MYH10: variants seen among roughly 807,000 people sequenced by gnomAD.
The protein encoded by MYH10 is myosin heavy chain 10.
MYH10 carries 55 observed loss-of-function variants against 257.8 expected under a neutral mutation model. That is an observed-to-expected ratio of 0.21 (90% CI 0.17 to 0.27). The LOEUF (loss-of-function observed/expected upper bound fraction) is 0.27. MYH10 is among the 10% of genes least tolerant of loss of function. MYH10 has a pLI of 1.00. For missense variants in MYH10, 1,631 were observed against 2,500.6 expected, an observed-to-expected ratio of 0.65 and a Z score of 7.42; for synonymous variants, 854 against 921.7, an observed-to-expected ratio of 0.93 and a Z score of 1.33.
intron 7 of MYH10, among the ~76,000 whole-genome samples, chr17:8,559,491 T>C (rs1341843286): frequency 6.6e-6 from 1 of 152,182 alleles, no homozygotes; most frequent in African/African-American, 2.4e-5. Flanking sequence ...CTTATTATTT[T>C]ATTCTTTTTT....
chr17:8,533,506 T>G (rs552870564), intron 16 of MYH10, among the ~76,000 whole-genome samples: 4 of 152,332 alleles, frequency 2.6e-5, no homozygotes, highest in Non-Finnish European at 4.4e-5. Flanking sequence ...AGTCAGTTCA[T>G]GCAAACCTTC....
Position 8,492,842 on chromosome 17 carries a change from C to T in MYH10, c.4392G>A (p.Thr1464=), listed in dbSNP as rs149895194. The part of the protein sequence containing the change: ...NRLQQELDDL[T]VDLDHQRQVA... Reference sequence around the variant, plus strand: ...CCTGGCGCTGGTGGTCCAGGTCCACCGTGAGGTCGTCCAGCTCCTGCTGCA... The same window carrying T: ...CCTGGCGCTGGTGGTCCAGGTCCACTGTGAGGTCGTCCAGCTCCTGCTGCA... The change falls in exon 33 of 43, where the codon ACG becomes ACA. Residue 1464 remains threonine, a synonymous_variant. Transcript: ENST00000360416. The T allele has an allele frequency of 3.3e-4, 525 of 1,614,074 alleles. 2 individuals are homozygous for T. In the African/African-American group the frequency reaches 5.5e-3, roughly 17 times the overall value.
Position 8,537,743 on chromosome 17 carries a change from A to G in MYH10, c.1606-1812T>C, listed in dbSNP as rs1193680610. 3.3e-5 allele frequency among the ~76,000 whole-genome samples: 5 copies of G among 152,280 alleles called. No individual in the cohort carries two copies. In the East Asian group the frequency reaches 7.7e-4, roughly 23 times the overall value. On this transcript the variant is annotated intron_variant, in intron 14 of 42. Coordinates refer to ENST00000360416, the MANE Select transcript of MYH10 (RefSeq NM_001256012.3). Reference sequence around the variant, plus strand: ...CACAGTATCTCAAATAAAAATTTGTATTTTTTTCTAAATGACTTGGTGACA... The same window carrying G: ...CACAGTATCTCAAATAAAAATTTGTGTTTTTTTCTAAATGACTTGGTGACA...
chr17:8,498,294 T>C (rs1010254805), intron 30 of MYH10, among the ~76,000 whole-genome samples: 3 of 151,990 alleles, frequency 2.0e-5, no homozygotes, highest in Non-Finnish European at 4.4e-5. Context: ...CCCCATACTA[T>C]ACCATTTTTA....
Position 8,530,625 on chromosome 17 carries a change from G to C in MYH10, c.1955C>G (p.Pro652Arg), listed in dbSNP as rs1391547031. ...ACCTACAGGCTTTATACATTCACCT[G>C]GTGGCTCATGAAGACCAGAAACACT... ...YDSVSGLHEP[P>R]VDRIVGLDQV... The change falls in exon 17 of 43, where the codon CCA becomes CGA. Residue 652 changes from proline (P) to arginine (R), a missense_variant and splice_region_variant. Around this residue, in one of 11 missense-constraint regions of MYH10, gnomAD observed 96 missense variants for 146.2 expected, o/e 0.66. Coordinates refer to ENST00000360416, the MANE Select transcript of MYH10 (RefSeq NM_001256012.3). The C allele has an allele frequency of 3.2e-6, 5 of 1,542,884 alleles. No individual in the cohort carries two copies. Among genetic ancestry groups the C allele is most frequent in the Non-Finnish European group, 4.4e-6 (5 of 1,142,990 alleles).
chr17:8,533,752 A>C (rs2082067177), intron 16 of MYH10, among the ~76,000 whole-genome samples: 1 of 152,136 alleles, frequency 6.6e-6, no homozygotes, highest in Non-Finnish European at 1.5e-5. Context: ...TCACTGTACC[A>C]TTCCCATGGC....
rs938574204 is a variant in MYH10, at chr17:8,560,575, A to G, written c.757-6557T>C. 1.4e-5 allele frequency: 12 copies of G among 829,390 alleles called. No homozygotes were observed. In the Admixed American group the frequency reaches 2.2e-4, roughly 15 times the overall value. 51.4% of individuals were successfully genotyped at this position (829,390 alleles called of 1,614,324 possible). ...CGACAAAGTTCCAAAAACAGTGGAA[A>G]ACTTTCGTGCACTGAGCACTGGAGG... On this transcript the variant is annotated intron_variant, in intron 7 of 42. Coordinates refer to ENST00000360416, the MANE Select transcript of MYH10 (RefSeq NM_001256012.3).
chr17:8,583,944 TAAGAG>T (rs925834231), intron 4 of MYH10, among the ~76,000 whole-genome samples: 1 of 152,146 alleles, frequency 6.6e-6, no homozygotes, highest in Admixed American at 6.5e-5. Flanking sequence ...AAGGGGGGTT[TAAGAG>T]AACAGAGTAA....
Position 8,476,802 on chromosome 17 carries a change from G to T in MYH10, c.5879+74C>A. On this transcript the variant is annotated intron_variant, in intron 42 of 42. Coordinates refer to ENST00000360416, the MANE Select transcript of MYH10 (RefSeq NM_001256012.3). Reference sequence around the variant, plus strand: ...GTATGGATCTAAGTAAACTTCCTCTGACCAGCTGCACCCCGAGCCTAAGCT... The same window carrying T: ...GTATGGATCTAAGTAAACTTCCTCTTACCAGCTGCACCCCGAGCCTAAGCT... 2.0e-6 allele frequency: 3 copies of T among 1,495,546 alleles called. No individual in the cohort carries two copies. The South Asian group carries it at 3.7e-5, about 19-fold the overall frequency. The allele number at this position is 1,495,546 out of a possible 1,614,324, so 92.6% of individuals were successfully genotyped here. A position where few individuals can be genotyped will look rare whatever the true frequency, so the allele number is the denominator to read the frequency against.
chr17:8,556,384 AATGG>A (rs1360409649), intron 7 of MYH10, among the ~76,000 whole-genome samples: 1 of 152,238 alleles, frequency 6.6e-6, no homozygotes, highest in Non-Finnish European at 1.5e-5. Flanking sequence ...CCAACTGGTG[AATGG>A]ATGAAGAAAT....
chr17:8,524,175 T>G (rs113261584), intron 17 of MYH10, among the ~76,000 whole-genome samples: 2,583 of 152,096 alleles, frequency 0.017, 73 homozygotes, highest in African/African-American at 0.056. Flanking sequence ...GCATAGTGGC[T>G]CATGCCTGTA....
chr17:8,549,160 A>C (rs2082539213), intron 9 of MYH10, among the ~76,000 whole-genome samples: 1 of 152,252 alleles, frequency 6.6e-6, no homozygotes, highest in South Asian at 2.1e-4. Context: ...GAAAGCTTTT[A>C]AACTCATATT....
chr17:8,476,972 T>A lies in MYH10; in HGVS notation c.5783A>T (p.Asn1928Ile). 6.2e-7 allele frequency: 1 copy of A among 1,614,158 alleles called. No individual in the cohort carries two copies. Among genetic ancestry groups the A allele is most frequent in the Non-Finnish European group, 8.5e-7 (1 of 1,180,052 alleles). Residue 1928 changes from asparagine to isoleucine, a missense_variant, in exon 42 of 43, where the codon AAC becomes ATC. Coordinates refer to ENST00000360416, the MANE Select transcript of MYH10 (RefSeq NM_001256012.3). ...EEAEEEATRANASRRKLQREL... is the reference protein window; with the variant it reads ...EEAEEEATRAIASRRKLQREL... Reference sequence around the variant, plus strand: ...CCGCTGGAGTTTACGCCGAGATGCGTTGGCACGCGTCGCTTCTTCTTCTGC... The same window carrying A: ...CCGCTGGAGTTTACGCCGAGATGCGATGGCACGCGTCGCTTCTTCTTCTGC...
At chr17:8,586,311 C>T (rs1162399855) in intron 4 of MYH10, among the ~76,000 whole-genome samples, 2 of 152,190 alleles carry the variant, frequency 1.3e-5, no homozygotes, top group Non-Finnish European at 2.9e-5. Context: ...CTCTGTTAAT[C>T]TGTCTATTGT....
intron 6 of MYH10, among the ~76,000 whole-genome samples, chr17:8,571,518 T>C (rs2152005578): frequency 6.6e-6 from 1 of 152,174 alleles, no homozygotes; most frequent in South Asian, 2.1e-4. Flanking sequence ...CGCGGTGGCT[T>C]ATGCCTGTAA....
chr17:8,539,468 TTGTGTTC>T (rs2151941183), intron 14 of MYH10, among the ~76,000 whole-genome samples: 1 of 152,280 alleles, frequency 6.6e-6, no homozygotes, highest in Non-Finnish European at 1.5e-5. Context: ...CACCACTATG[TTGTGTTC>T]TGTTTTCTGG....
In MYH10 at chr17:8,576,650, T is replaced by C. The variant is rs1421216969; in HGVS notation, c.656A>G (p.Lys219Arg). The change falls in exon 6 of 43, where the codon AAA becomes AGA. Residue 219 changes from lysine (K) to arginine (R), a missense_variant. Around this residue, in one of 11 missense-constraint regions of MYH10, gnomAD observed 360 missense variants for 581.9 expected, o/e 0.62. Transcript: ENST00000360416. ...NIPQESPKPV[K>R]HQGELERQLL... is the part of the protein sequence containing the mutation. ...ATAAAGAAGAGCACTTGCCTGGTGT[T>C]TCACTGGTTTAGGCGATTCCTGCTG... 6.4e-7 allele frequency: 1 copy of C among 1,550,724 alleles called. No individual in the cohort carries two copies. Among genetic ancestry groups the C allele is most frequent in the Non-Finnish European group, 8.7e-7 (1 of 1,147,010 alleles).
intron 4 of MYH10, among the ~76,000 whole-genome samples, chr17:8,583,706 A>T (rs2083793696): frequency 6.6e-6 from 1 of 152,226 alleles, no homozygotes; most frequent in African/African-American, 2.4e-5. Flanking sequence ...TCCTAGCAGG[A>T]ATCAACTGTT....
At chr17:8,571,205 C>T (rs2083327967) in intron 6 of MYH10, among the ~76,000 whole-genome samples, 2 of 138,458 alleles carry the variant, frequency 1.4e-5, no homozygotes, top group Admixed American at 7.7e-5. Context: ...GACGGAGACT[C>T]ACTCTGTCGC....
Sources: gnomAD v4.1 joint callset for allele counts (sites outside exome capture counted in the v4.1 genomes callset) on GRCh38, gnomAD v4.1.1 for gene constraint, gnomAD v4.1.1 regional missense constraint, MANE v1.5 for transcripts, NCBI Gene and HGNC (gene_info 2026-07-23, HGNC 2026-07-21) for gene names.